ACYP2: variants seen among roughly 807,000 people sequenced by gnomAD.
ACYP2 encodes the protein acylphosphatase-2.
A neutral mutation model predicts 11.2 loss-of-function variants in ACYP2; 12 were observed. The ratio of observed to expected loss-of-function variants is 1.08; its 90% CI spans 0.69 to 1.74. The LOEUF is 1.74. ACYP2 is among the 40% of genes most tolerant of loss of function. ACYP2 has a pLI of 0.00. For synonymous variants in ACYP2, 43 were observed against 32.2 expected (o/e 1.33, Z -1.13); for missense variants, 134 against 101.9 (o/e 1.31, Z -1.35).
chr2:54,165,152 A>G (rs1221060663), intron 6 of ACYP2, among the ~76,000 whole-genome samples: 2 of 152,136 alleles, frequency 1.3e-5, no homozygotes, highest in Admixed American at 1.3e-4. Context: ...TGCTATTGCA[A>G]GTAGTGAAAC....
At chr2:54,074,576 ATTTGTGTG>A (rs1292436575) in intron 4 of ACYP2, among the ~76,000 whole-genome samples, 4 of 125,348 alleles carry the variant, frequency 3.2e-5, no homozygotes, top group African/African-American at 1.3e-4. Context: ...ATAGAACAGA[ATTTGTGTG>A]TGTGTGTGTG....
chr2:54,034,452 C>T (rs1387939006), intron 2 of ACYP2, among the ~76,000 whole-genome samples: 1 of 152,152 alleles, frequency 6.6e-6, no homozygotes, highest in Admixed American at 6.5e-5. Context: ...CATTGTGTTA[C>T]AGTTGCGTAC....
chr2:54,099,563 G>C (rs1319327008), intron 4 of ACYP2, among the ~76,000 whole-genome samples: 1 of 152,118 alleles, frequency 6.6e-6, no homozygotes, highest in Non-Finnish European at 1.5e-5. Flanking sequence ...CTTATTTTGT[G>C]CAACACGATG....
At chr2:54,032,208 A>G (rs1674620584) in intron 2 of ACYP2, among the ~76,000 whole-genome samples, 2 of 152,186 alleles carry the variant, frequency 1.3e-5, no homozygotes, top group African/African-American at 2.4e-5. Flanking sequence ...GCCCATGCCT[A>G]TGTCCTGAAT....
At chr2:54,032,687 A>G (rs1674651721) in intron 2 of ACYP2, among the ~76,000 whole-genome samples, 1 of 152,114 alleles carries the variant, frequency 6.6e-6, no homozygotes, top group Admixed American at 6.6e-5. Flanking sequence ...CTTGATGGGG[A>G]TGGCATTGAA....
chr2:54,070,674 T>A (rs1285868094), intron 4 of ACYP2, among the ~76,000 whole-genome samples: 1 of 152,200 alleles, frequency 6.6e-6, no homozygotes, highest in Non-Finnish European at 1.5e-5. Context: ...TGCTCTAATT[T>A]TAAGTGATAT....
intron 6 of ACYP2, among the ~76,000 whole-genome samples, chr2:54,201,638 C>CTTTCTTTCTTTCTTTG: frequency 1.7e-5 from 1 of 59,826 alleles, no homozygotes; most frequent in Non-Finnish European, 3.5e-5. Flanking sequence ...CTTTCTTTCT[C>CTTTCTTTCTTTCTTTG]TTTCTTTCTT....
intron 6 of ACYP2, among the ~76,000 whole-genome samples, chr2:54,294,798 C>T (rs1246497810): frequency 2.0e-5 from 3 of 151,756 alleles, no homozygotes; most frequent in Non-Finnish European, 4.4e-5. Flanking sequence ...CATTTATAGT[C>T]CCAGCTACTC....
chr2:53,999,963 C>G (rs969379763), intron 2 of ACYP2, among the ~76,000 whole-genome samples: 1 of 152,088 alleles, frequency 6.6e-6, no homozygotes, highest in East Asian at 1.9e-4. Context: ...CAGAATTCAT[C>G]ATCTCTGTGT....
At chr2:54,077,109 C>T (rs1677382117) in intron 4 of ACYP2, among the ~76,000 whole-genome samples, 1 of 152,130 alleles carries the variant, frequency 6.6e-6, no homozygotes, top group African/African-American at 2.4e-5. Context: ...CATTTAGATT[C>T]TCTATCTTGG....
intron 4 of ACYP2, among the ~76,000 whole-genome samples, chr2:54,106,012 C>T (rs1407417795): frequency 6.6e-6 from 1 of 151,792 alleles, no homozygotes; most frequent in African/African-American, 2.4e-5. Context: ...AGTATAGTAC[C>T]TGTCCTACTT....
chr2:54,115,883 C>T, intron 4 of ACYP2, 127 bp downstream of exon 1: 2 of 1,211,348 alleles, frequency 1.7e-6, no homozygotes, highest in East Asian at 6.1e-5. Flanking sequence ...TCCGCCATGA[C>T]ACAGCAGCGG....
chr2:54,051,161 C>A, intron 3 of ACYP2: 1 of 702,212 alleles, frequency 1.4e-6, no homozygotes. Flanking sequence ...AAGTGAGAAC[C>A]AGACAGGCAT....
At chr2:54,033,454 C>G (rs2104556238) in intron 2 of ACYP2, among the ~76,000 whole-genome samples, 1 of 152,076 alleles carries the variant, frequency 6.6e-6, no homozygotes, top group Non-Finnish European at 1.5e-5. Flanking sequence ...CTCAAGCAAA[C>G]TTCCTGTCTC....
At chr2:54,171,639 T>A (rs763755613) in intron 6 of ACYP2, among the ~76,000 whole-genome samples, 4 of 152,202 alleles carry the variant, frequency 2.6e-5, no homozygotes, top group Non-Finnish European at 5.9e-5. Context: ...CTTGAGGATC[T>A]TAGTTTTTTT....
chr2:54,256,083 G>A (rs377117911), intron 6 of ACYP2: 3 of 1,614,136 alleles, frequency 1.9e-6, no homozygotes, highest in East Asian at 2.2e-5. Context: ...GGGACCTCTG[G>A]CCCTGGTGCG....
intron 4 of ACYP2, among the ~76,000 whole-genome samples, chr2:54,117,539 T>TG (rs1478032554): frequency 2.6e-5 from 4 of 152,182 alleles, no homozygotes; most frequent in Admixed American, 1.3e-4. Context: ...GGGATCCTCC[T>TG]GCACTTCGCC....
At chr2:54,099,169 A>G (rs756407060) in intron 4 of ACYP2, among the ~76,000 whole-genome samples, 15 of 152,234 alleles carry the variant, frequency 9.9e-5, no homozygotes, top group Non-Finnish European at 2.1e-4. Flanking sequence ...ATTGGCAAAT[A>G]AAAATTGTAT....
intron 2 of ACYP2, among the ~76,000 whole-genome samples, chr2:53,982,828 C>CTCTGTG (rs375187346): frequency 0.012 from 1,693 of 140,580 alleles, 37 homozygotes; most frequent in African/African-American, 0.044. Context: ...TCACACAAGA[C>CTCTGTG]TGTGTGTGTG....
Sources: allele counts gnomAD v4.1 joint callset (sites outside exome capture counted in the v4.1 genomes callset), GRCh38; gene constraint gnomAD v4.1.1; transcripts MANE v1.5; gene names NCBI Gene and HGNC (gene_info 2026-07-23, HGNC 2026-07-21).